Variants in ZNF718 observed in about 807,000 individuals in gnomAD.
ZNF718 encodes zinc finger protein 718.
In ZNF718, 3 loss-of-function variants were observed where a neutral mutation model predicts 2.6. The observed-to-expected ratio is 1.16, with a 90% CI of 0.53 to 3.01. The LOEUF is 3.01. Ranked by LOEUF, ZNF718 falls within the 30% of genes most tolerant of loss-of-function variation. The pLI, the probability that ZNF718 is intolerant of heterozygous loss-of-function variation, is 0.03. For missense variants in ZNF718, 468 were observed against 230.0 expected, an observed-to-expected ratio of 2.03 and a Z score of -6.69; for synonymous variants, 135 against 77.9, an observed-to-expected ratio of 1.73 and a Z score of -3.86.
chr4:188,080 TG>T (rs1404660847), intron 3 of ZNF718, among the ~76,000 whole-genome samples: 2 of 152,218 alleles, frequency 1.3e-5, no homozygotes, highest in African/African-American at 4.8e-5. Context: ...CCAGTCAGCT[TG>T]GACTCATAAG....
Position 163,187 on chromosome 4 carries a change from A to C in ZNF718, c.*1065A>C, listed in dbSNP as rs1553815994. The C allele has an allele frequency of 2.0e-5, 3 of 150,960 alleles. No homozygotes were observed. 9.4% of individuals were successfully genotyped at this position (150,960 alleles called of 1,614,324 possible). On this transcript the variant is annotated 3_prime_UTR_variant, in exon 4 of 4. Coordinates refer to ENST00000510175, the MANE Select transcript of ZNF718 (RefSeq NM_001039127.6). ...CTTTTTAGGTGGGCATCATTCATGA[A>C]CTTTTTTTTTTTTTTTGAGACGGAG...
intron 1 of ZNF718, chr4:124,941 G>T: frequency 2.5e-6 from 1 of 405,614 alleles, no homozygotes; most frequent in Non-Finnish European, 4.5e-6. Context: ...ACACCGCGGC[G>T]GCCTGCGCGG....
intron 3 of ZNF718, among the ~76,000 whole-genome samples, chr4:195,438 G>A (rs1231268354): frequency 6.6e-6 from 1 of 152,144 alleles, no homozygotes; most frequent in Non-Finnish European, 1.5e-5. Context: ...TAGTCTGGTC[G>A]GACCTTTGTA....
At chr4:160,802 T>A (rs1313013545) in intron 3 of ZNF718, 110 bp from the exon 4 acceptor site, 1 of 636,648 alleles carries the variant, frequency 1.6e-6, no homozygotes, top group Non-Finnish European at 2.9e-6. Flanking sequence ...TTGCCCACCT[T>A]GGCCTCGGAA....
intron 3 of ZNF718, among the ~76,000 whole-genome samples, chr4:159,098 G>C (rs1348902543): frequency 1.3e-5 from 2 of 149,394 alleles, no homozygotes; most frequent in East Asian, 3.9e-4. Context: ...GTGCAGTGGC[G>C]CGATCTTGGC....
At chr4:141,951 G>A (rs1302758166) in intron 3 of ZNF718, 4 of 502,034 alleles carry the variant, frequency 8.0e-6, no homozygotes, top group South Asian at 4.4e-5. Flanking sequence ...ACTATGCAAG[G>A]AGGCTGAGAT....
chr4:158,455 T>C (rs1716674223), intron 3 of ZNF718, among the ~76,000 whole-genome samples: 1 of 147,858 alleles, frequency 6.8e-6, no homozygotes, highest in Non-Finnish European at 1.5e-5. Context: ...ATTTTCTGTC[T>C]TTGTGTCTTT....
chr4:171,414 T>C (rs1166755016), intron 3 of ZNF718, among the ~76,000 whole-genome samples: 1 of 152,142 alleles, frequency 6.6e-6, no homozygotes, highest in Non-Finnish European at 1.5e-5. Flanking sequence ...CTGCTGCCTT[T>C]TGTTTGGCTG....
intron 3 of ZNF718, among the ~76,000 whole-genome samples, chr4:192,923 C>T (rs1225937244): frequency 6.6e-6 from 1 of 152,102 alleles, no homozygotes; most frequent in Non-Finnish European, 1.5e-5. Flanking sequence ...TTTTAAAAGG[C>T]CTGGTCCAGT....
intron 3 of ZNF718, among the ~76,000 whole-genome samples, chr4:153,639 C>A (rs1208029213): frequency 6.6e-6 from 1 of 151,938 alleles, no homozygotes; most frequent in African/African-American, 2.4e-5. Flanking sequence ...CTAGACATCT[C>A]TTTTTTATTG....
intron 3 of ZNF718, among the ~76,000 whole-genome samples, chr4:191,004 A>C (rs1553821116): frequency 2.0e-5 from 3 of 151,940 alleles, no homozygotes; most frequent in Non-Finnish European, 2.9e-5. Flanking sequence ...GTGCCACTGC[A>C]CTCCAGCCTG....
intron 3 of ZNF718, among the ~76,000 whole-genome samples, chr4:183,945 C>T (rs1717515729): frequency 6.6e-6 from 1 of 152,068 alleles, no homozygotes; most frequent in Non-Finnish European, 1.5e-5. Flanking sequence ...AGGATCATGT[C>T]ATCTGCAGAG....
chr4:129,013 CAG>C lies in ZNF718; in HGVS notation c.4-1773_4-1772del, dbSNP rs1275701638. ...CAGCATCGTGTGTTCAGTACAAAGA[CAG>C]AAACTGTATGGAGACTTAAGCTTAA... On this transcript the variant is annotated intron_variant, in intron 1 of 3. Coordinates refer to ENST00000510175, the MANE Select transcript of ZNF718 (RefSeq NM_001039127.6). 3.8e-5 allele frequency among the ~76,000 whole-genome samples: 4 copies of C among 104,936 alleles called. 2 individuals carry two copies. The highest frequency in any genetic ancestry group is 8.5e-5 in the Non-Finnish European group (4 of 46,842). 68.8% of individuals were successfully genotyped at this position (104,936 alleles called of 152,430 possible). A position where few individuals can be genotyped will look rare whatever the true frequency, so the allele number is the denominator to read the frequency against.
chr4:134,111 A>G (rs1449107780), intron 3 of ZNF718, among the ~76,000 whole-genome samples: 4 of 152,166 alleles, frequency 2.6e-5, no homozygotes, highest in African/African-American at 7.2e-5. Flanking sequence ...GGCACTAACA[A>G]TCACCATCAA....
chr4:125,332 G>A (rs560775489), intron 1 of ZNF718: 1 of 152,656 alleles, frequency 6.6e-6, no homozygotes, highest in Non-Finnish European at 1.5e-5. Context: ...ACTTGAGGAG[G>A]GTGTGGGCGT....
At chr4:186,236 T>A (rs1717563996) in intron 3 of ZNF718, among the ~76,000 whole-genome samples, 1 of 152,160 alleles carries the variant, frequency 6.6e-6, no homozygotes, top group Non-Finnish European at 1.5e-5. Flanking sequence ...TCTCCTTCAC[T>A]TATGAAGCTT....
rs192161634 is a variant in ZNF718, at chr4:171,930, G to A, written c.227-29151G>A. Among the ~76,000 whole-genome samples, 361 of 152,300 alleles carry A rather than the reference G, an allele frequency of 2.4e-3. 1 individual carries two copies. The highest frequency in any genetic ancestry group is 7.7e-3 in the African/African-American group (318 of 41,566). ...AATGCAGAAATCACACGTCTTCTGC[G>A]TCGCTCACGCTGGGAGCTGTAGACT... On this transcript the variant is annotated intron_variant and NMD_transcript_variant, in intron 3 of 4. Transcript: ENST00000642529.
chr4:201,414 G>A (rs1240958828), intron 4 of ZNF718: 1 of 152,288 alleles, frequency 6.6e-6, no homozygotes, highest in Admixed American at 6.5e-5. Context: ...GAGTAGCTTA[G>A]TATACTGGAA....
intron 3 of ZNF718, among the ~76,000 whole-genome samples, chr4:133,195 A>AAAAAAACAT (rs1258303094): frequency 4.8e-5 from 1 of 20,774 alleles, no homozygotes; most frequent in African/African-American, 1.7e-4. Flanking sequence ...AAAAAAAAAA[A>AAAAAAACAT]ATATATATAT....
Sources: gnomAD v4.1 joint callset for allele counts (sites outside exome capture counted in the v4.1 genomes callset) on GRCh38, gnomAD v4.1.1 for gene constraint, MANE v1.5 for transcripts, NCBI Gene and HGNC (gene_info 2026-07-23, HGNC 2026-07-21) for gene names.